Variants in SHROOM4 observed in about 807,000 individuals in gnomAD.
SHROOM4 encodes shroom family member 4.
Under a neutral mutation model 80.3 loss-of-function variants are expected in SHROOM4, and 17 were observed. The ratio of observed to expected loss-of-function variants is 0.21; its 90% confidence interval spans 0.14 to 0.32. SHROOM4 has a LOEUF of 0.32. Among genes scored for constraint, SHROOM4 ranks in the 10% least tolerant of loss-of-function variants. The pLI is 1.00. For missense variants in SHROOM4, 993 were observed against 1,140.3 expected, an observed-to-expected ratio of 0.87 and a Z score of 1.86; for synonymous variants, 400 against 437.5, an observed-to-expected ratio of 0.91 and a Z score of 1.07.
At chrX:50,684,520 G>T (rs1557262070) in intron 2 of SHROOM4, among the ~76,000 whole-genome samples, 1 of 112,024 alleles carries the variant, frequency 8.9e-6, no homozygotes, top group Non-Finnish European at 1.9e-5. Context: ...CACTAATACA[G>T]AGGTGAAGTA....
chrX:50,776,151 T>G (rs1381702453), intron 1 of SHROOM4, among the ~76,000 whole-genome samples: 1 of 110,738 alleles, frequency 9.0e-6, no homozygotes. Flanking sequence ...CCCCCAACAC[T>G]GGGGCGAGGG....
chrX:50,630,490 G>A (rs1371931676), intron 4 of SHROOM4, among the ~76,000 whole-genome samples: 1 of 111,167 alleles, frequency 9.0e-6, no homozygotes, highest in Non-Finnish European at 1.9e-5. Flanking sequence ...TTGTAAGTTC[G>A]GGGGAAGAAA....
intron 1 of SHROOM4, among the ~76,000 whole-genome samples, chrX:50,742,763 C>A (rs190145065): frequency 8.1e-5 from 9 of 110,792 alleles, no homozygotes. Flanking sequence ...GTAGTGTTTG[C>A]CAGCTTTCTT....
At chrX:50,736,126 A>T (rs782443791) in intron 1 of SHROOM4, among the ~76,000 whole-genome samples, 1 of 111,090 alleles carries the variant, frequency 9.0e-6, no homozygotes, top group African/African-American at 3.3e-5. Context: ...AGGTAACAAC[A>T]AGCATTAGTG....
chrX:50,584,461 T>G (rs1457735111), downstream of SHROOM4, among the ~76,000 whole-genome samples: 1 of 111,582 alleles, frequency 9.0e-6, no homozygotes, highest in African/African-American at 3.3e-5. Context: ...CAAAATGACC[T>G]AGACAGGAGA....
At chrX:50,798,637 T>C (rs1257413975) in intron 1 of SHROOM4, among the ~76,000 whole-genome samples, 2 of 111,432 alleles carry the variant, frequency 1.8e-5, no homozygotes, top group Non-Finnish European at 3.8e-5. Context: ...TGGAGAACAT[T>C]ACTTTGCCCC....
chrX:50,764,248 A>G (rs1369786101), intron 1 of SHROOM4, among the ~76,000 whole-genome samples: 2 of 111,085 alleles, frequency 1.8e-5, no homozygotes, highest in Non-Finnish European at 3.8e-5. Context: ...TGGTAGCCCC[A>G]TCTTTTTGAT....
At chrX:50,586,097 T>C (rs1439999532), downstream of SHROOM4, among the ~76,000 whole-genome samples, 1 of 111,948 alleles carries the variant, frequency 8.9e-6, no homozygotes, top group African/African-American at 3.2e-5. Flanking sequence ...CTTAAATATA[T>C]AGTCATTTAT....
At chrX:50,811,308 AAAAC>A (rs782018783) in intron 1 of SHROOM4, among the ~76,000 whole-genome samples, 3 of 109,822 alleles carry the variant, frequency 2.7e-5, no homozygotes, top group East Asian at 5.8e-4. Context: ...CCCTGTCTCA[AAAAC>A]AAACAAACAA....
chrX:50,612,850 T>C (rs1557250140), intron 5 of SHROOM4, among the ~76,000 whole-genome samples: 16 of 110,404 alleles, frequency 1.4e-4, no homozygotes. Context: ...AAAAAAAACC[T>C]AACAGAAAAA....
At chrX:50,623,816 T>A (rs1463546353) in intron 5 of SHROOM4, among the ~76,000 whole-genome samples, 2 of 112,180 alleles carry the variant, frequency 1.8e-5, no homozygotes, top group African/African-American at 6.5e-5. Context: ...ATGTGATGCA[T>A]CCATACAATG....
chrX:50,701,673 T>C (rs1557263545), intron 1 of SHROOM4, among the ~76,000 whole-genome samples: 3 of 111,991 alleles, frequency 2.7e-5, no homozygotes, highest in Non-Finnish European at 5.6e-5. Context: ...AATTAGATCA[T>C]CCATAAATAA....
chrX:50,640,406 A>G (rs1311294507), intron 2 of SHROOM4, among the ~76,000 whole-genome samples: 1 of 91,049 alleles, frequency 1.1e-5, no homozygotes, highest in Admixed American at 1.3e-4. Context: ...CTCTCCCCCT[A>G]CCCCCCCTCC....
At chrX:50,770,646 G>C (rs956191923) in intron 1 of SHROOM4, among the ~76,000 whole-genome samples, 2 of 112,092 alleles carry the variant, frequency 1.8e-5, no homozygotes, top group Non-Finnish European at 3.8e-5. Flanking sequence ...TTCAGACTTA[G>C]AGGTTCAAAT....
chrX:50,796,888 G>C (rs972462620), intron 1 of SHROOM4, among the ~76,000 whole-genome samples: 2 of 110,501 alleles, frequency 1.8e-5, no homozygotes, highest in Non-Finnish European at 3.8e-5. Context: ...ATTTTACAAG[G>C]GGAAGATAAG....
At chrX:50,801,895 T>C (rs983237827) in intron 1 of SHROOM4, among the ~76,000 whole-genome samples, 3 of 112,287 alleles carry the variant, frequency 2.7e-5, no homozygotes, top group Non-Finnish European at 5.6e-5. Flanking sequence ...ATTAGCCTTT[T>C]AGCAAGAAGT....
intron 5 of SHROOM4, among the ~76,000 whole-genome samples, chrX:50,621,187 T>A (rs1484854827): frequency 8.9e-6 from 1 of 112,207 alleles, no homozygotes; most frequent in Non-Finnish European, 1.9e-5. Flanking sequence ...CAACATTTTT[T>A]AAAGAAATAG....
At chrX:50,621,767 A>G (rs1930584363) in intron 5 of SHROOM4, among the ~76,000 whole-genome samples, 1 of 111,447 alleles carries the variant, frequency 9.0e-6, no homozygotes, top group Admixed American at 9.6e-5. Flanking sequence ...TGAAAAGTGT[A>G]CTCTTCCTAA....
At chrX:50,707,664 A>T (rs781995210) in intron 1 of SHROOM4, among the ~76,000 whole-genome samples, 4 of 95,350 alleles carry the variant, frequency 4.2e-5, no homozygotes, top group Non-Finnish European at 8.1e-5. Flanking sequence ...TCTTGAGTGT[A>T]TCTGTGATGA....
Sources: gnomAD v4.1 joint callset for allele counts (sites outside exome capture counted in the v4.1 genomes callset) on GRCh38, gnomAD v4.1.1 for gene constraint, MANE v1.5 for transcripts, NCBI Gene and HGNC (gene_info 2026-07-23, HGNC 2026-07-21) for gene names.